GRIK4: variants seen among roughly 807,000 people sequenced by gnomAD.
The protein encoded by GRIK4 is glutamate receptor ionotropic, kainate 4.
A neutral mutation model predicts 104.9 loss-of-function variants in GRIK4; 40 were observed. The observed-to-expected ratio is 0.38, with a 90% CI of 0.30 to 0.50. The LOEUF is 0.50. Ranked by LOEUF, GRIK4 falls within the 20% of genes least tolerant of loss-of-function variation. The pLI is 0.93. For missense variants in GRIK4, 1,047 were observed against 1,308.1 expected (o/e 0.80, Z 3.08); for synonymous variants, 485 against 524.9 (o/e 0.92, Z 1.04).
At chr11:120,929,549 T>C (rs1943435757) in intron 13 of GRIK4, among the ~76,000 whole-genome samples, 1 of 152,212 alleles carries the variant, frequency 6.6e-6, no homozygotes, top group Admixed American at 6.5e-5. Context: ...ACAGATGTTA[T>C]TCTGCTCAAA....
intron 1 of GRIK4, among the ~76,000 whole-genome samples, chr11:120,523,234 G>T (rs559613316): frequency 6.6e-6 from 1 of 151,304 alleles, no homozygotes; most frequent in Non-Finnish European, 1.5e-5. Context: ...TAACGGTCCT[G>T]CCAGAGTCCA....
At position 120,700,747 on chromosome 11, in the gene GRIK4, G is replaced by A. The variant is rs370297423; in HGVS notation, c.82+40347G>A. The stretch of plus-strand genomic sequence containing the variant: ...GTTAGGATTACAGGCGTGAGCCACT[G>A]CGCCTGGCCAATTTTTGTATTTTTA... On this transcript the variant is annotated intron_variant, in intron 3 of 20. Coordinates refer to ENST00000527524, the MANE Select transcript of GRIK4 (RefSeq NM_014619.5). Among the ~76,000 whole-genome samples the A allele has an allele frequency of 5.9e-5, 9 of 152,172 alleles. No homozygotes were observed. The South Asian group carries it at 1.9e-3, about 32-fold the overall frequency.
intron 1 of GRIK4, among the ~76,000 whole-genome samples, chr11:120,567,899 G>A (rs900365211): frequency 6.6e-6 from 1 of 152,198 alleles, no homozygotes; most frequent in African/African-American, 2.4e-5. Flanking sequence ...TCTACAGTAG[G>A]CCAGGCATGG....
intron 3 of GRIK4, among the ~76,000 whole-genome samples, chr11:120,679,836 C>T (rs997945841): frequency 6.6e-6 from 1 of 152,172 alleles, no homozygotes; most frequent in African/African-American, 2.4e-5. Flanking sequence ...GCAGATGATC[C>T]AGGTGGCTTC....
At chr11:120,638,631 C>G (rs1259162211) in intron 1 of GRIK4, among the ~76,000 whole-genome samples, 1 of 151,980 alleles carries the variant, frequency 6.6e-6, no homozygotes, top group African/African-American at 2.4e-5. Flanking sequence ...GCACCTGCCA[C>G]CATGCCCGGC....
intron 6 of GRIK4, among the ~76,000 whole-genome samples, chr11:120,820,788 C>T (rs1953103090): frequency 6.6e-6 from 1 of 152,222 alleles, no homozygotes; most frequent in Non-Finnish European, 1.5e-5. Context: ...TCAAGCCCTT[C>T]CTGCATCCTG....
intron 13 of GRIK4, among the ~76,000 whole-genome samples, chr11:120,907,078 T>G (rs1942884345): frequency 6.6e-6 from 1 of 152,230 alleles, no homozygotes; most frequent in African/African-American, 2.4e-5. Flanking sequence ...TGTACGTGCT[T>G]AAGTGGAAGA....
chr11:120,644,011 CTGTGTGTGTG>C (rs369374873), intron 1 of GRIK4, among the ~76,000 whole-genome samples: 7 of 122,858 alleles, frequency 5.7e-5, no homozygotes, highest in African/African-American at 1.5e-4. Flanking sequence ...GGGAGAGGGT[CTGTGTGTGTG>C]TGTGTGTGTG....
At chr11:120,637,012 G>A (rs1949405248) in intron 1 of GRIK4, among the ~76,000 whole-genome samples, 1 of 152,160 alleles carries the variant, frequency 6.6e-6, no homozygotes, top group Non-Finnish European at 1.5e-5. Flanking sequence ...GCCTGCTTCG[G>A]GTCTCTGAGG....
At chr11:120,599,867 A>T (rs1591726821) in intron 1 of GRIK4, among the ~76,000 whole-genome samples, 1 of 152,216 alleles carries the variant, frequency 6.6e-6, no homozygotes, top group Non-Finnish European at 1.5e-5. Context: ...AACTCAGCAC[A>T]AGGGAACCCC....
chr11:120,881,416 A>C (rs530682244), intron 11 of GRIK4, among the ~76,000 whole-genome samples: 2 of 152,260 alleles, frequency 1.3e-5, no homozygotes, highest in African/African-American at 4.8e-5. Flanking sequence ...CTCTGCTCCT[A>C]CAGAGCTGGA....
rs937918693 is a variant in GRIK4, at chr11:120,956,056, C to T, written c.1701-724C>T. ...TCTGAGGTAGGCTAAGGCTGGAGGG[C>T]CACTGCTCTAGGCTGAGGGTCTTCA... On this transcript the variant is annotated intron_variant, in intron 15 of 20. Transcript: ENST00000527524. This position sits in a 1 kb window ranked among gnomAD's most constrained non-coding sequence, Gnocchi z 4.6. 6.6e-6 allele frequency among the ~76,000 whole-genome samples: 1 copy of T among 152,102 alleles called. No homozygotes were observed. Among genetic ancestry groups the T allele is most frequent in the African/African-American group, 2.4e-5 (1 of 41,410 alleles).
intron 20 of GRIK4, among the ~76,000 whole-genome samples, chr11:120,984,863 C>A (rs1255762871): frequency 6.7e-6 from 1 of 148,562 alleles, no homozygotes; most frequent in Non-Finnish European, 1.5e-5. Context: ...CAGTCTGTCG[C>A]CCAAGCTGGA....
intron 1 of GRIK4, among the ~76,000 whole-genome samples, chr11:120,590,971 C>A (rs975010382): frequency 6.6e-6 from 1 of 152,088 alleles, no homozygotes; most frequent in African/African-American, 2.4e-5. Context: ...AGGCCCAGGA[C>A]ACTCCCAAAT....
At chr11:120,890,030 A>G (rs889794719) in intron 11 of GRIK4, among the ~76,000 whole-genome samples, 1 of 152,128 alleles carries the variant, frequency 6.6e-6, no homozygotes, top group Non-Finnish European at 1.5e-5. Flanking sequence ...ACTTCCCAAG[A>G]CCATGTAGTA....
At chr11:120,657,426 T>A (rs1435998460) in intron 2 of GRIK4, among the ~76,000 whole-genome samples, 1 of 152,226 alleles carries the variant, frequency 6.6e-6, no homozygotes, top group Non-Finnish European at 1.5e-5. Flanking sequence ...TTCACCCCCA[T>A]CCTTTACTCT....
chr11:120,761,857 T>C (rs1951755151), intron 3 of GRIK4, among the ~76,000 whole-genome samples: 1 of 152,240 alleles, frequency 6.6e-6, no homozygotes, highest in Non-Finnish European at 1.5e-5. Flanking sequence ...TTTAGCCTTG[T>C]AGCATAGTTT....
intron 1 of GRIK4, among the ~76,000 whole-genome samples, chr11:120,601,013 C>G (rs1948877605): frequency 6.6e-6 from 1 of 152,182 alleles, no homozygotes; most frequent in Non-Finnish European, 1.5e-5. Flanking sequence ...CCGGATCGTG[C>G]CACTGCACTC....
intron 13 of GRIK4, among the ~76,000 whole-genome samples, chr11:120,916,368 G>A (rs1314402468): frequency 1.3e-5 from 2 of 152,182 alleles, no homozygotes; most frequent in Non-Finnish European, 2.9e-5. Flanking sequence ...AAAGTACATC[G>A]TAAATGACTA....
Sources: allele counts gnomAD v4.1 joint callset (sites outside exome capture counted in the v4.1 genomes callset), GRCh38; gene constraint gnomAD v4.1.1; non-coding constraint Gnocchi (gnomAD v3.1); transcripts MANE v1.5; gene names NCBI Gene and HGNC (gene_info 2026-07-23, HGNC 2026-07-21).